The following ANKS1B variants were observed in gnomAD, a reference collection of about 807,000 sequenced individuals.
ANKS1B encodes the protein ankyrin repeat and sterile alpha motif domain-containing protein 1B.
In ANKS1B, 36 loss-of-function variants were observed where a neutral mutation model predicts 148.3. The ratio of observed to expected loss-of-function variants is 0.24; its 90% CI spans 0.19 to 0.32. ANKS1B has a LOEUF of 0.32. Ranked by LOEUF, ANKS1B falls within the 10% of genes least tolerant of loss-of-function variation. The pLI, the probability that ANKS1B is intolerant of heterozygous loss-of-function variation, is 1.00. For missense variants in ANKS1B, 1,157 were observed against 1,542.6 expected, an observed-to-expected ratio of 0.75 and a Z score of 4.19; for synonymous variants, 542 against 560.8, an observed-to-expected ratio of 0.97 and a Z score of 0.47.
intron 1 of ANKS1B, among the ~76,000 whole-genome samples, chr12:99,881,003 T>G (rs371348950): frequency 1.1e-4 from 17 of 152,338 alleles, no homozygotes; most frequent in South Asian, 8.3e-4. Flanking sequence ...ACTGAACAGC[T>G]ATTTGAGGGC....
intron 8 of ANKS1B, among the ~76,000 whole-genome samples, chr12:99,731,192 C>T (rs775622470): frequency 7.9e-5 from 12 of 152,176 alleles, no homozygotes; most frequent in Non-Finnish European, 1.6e-4. Flanking sequence ...GATCTCGGCT[C>T]ACCGCAACCT....
intron 15 of ANKS1B, among the ~76,000 whole-genome samples, chr12:99,118,882 T>C (rs1451468250): frequency 2.0e-5 from 3 of 152,188 alleles, no homozygotes; most frequent in East Asian, 1.9e-4. Context: ...GCTTCTCTTA[T>C]GTATGTTCAG....
intron 9 of ANKS1B, among the ~76,000 whole-genome samples, chr12:99,602,601 T>A (rs2097812117): frequency 6.6e-6 from 1 of 152,060 alleles, no homozygotes; most frequent in Non-Finnish European, 1.5e-5. Flanking sequence ...AAGTGAGCTT[T>A]CTGAGTAATC....
chr12:99,744,606 C>A (rs1045257660), intron 8 of ANKS1B, among the ~76,000 whole-genome samples: 24 of 152,154 alleles, frequency 1.6e-4, no homozygotes, highest in African/African-American at 5.6e-4. Flanking sequence ...TAAAGCTATA[C>A]AACTGCCTTA....
chr12:99,546,421 T>C (rs1004887999), intron 9 of ANKS1B, among the ~76,000 whole-genome samples: 4 of 152,174 alleles, frequency 2.6e-5, no homozygotes, highest in African/African-American at 9.6e-5. Context: ...AATCTTAACC[T>C]ACTTGTACTC....
At chr12:99,324,221 G>A (rs1270759571) in intron 12 of ANKS1B, among the ~76,000 whole-genome samples, 1 of 151,870 alleles carries the variant, frequency 6.6e-6, no homozygotes, top group African/African-American at 2.4e-5. Context: ...AATTTTGCTG[G>A]GTGCCATGTG....
chr12:98,832,327 T>C (rs773627073), intron 17 of ANKS1B, among the ~76,000 whole-genome samples, 191 bp from the exon 18 acceptor site: 8 of 152,118 alleles, frequency 5.3e-5, no homozygotes, highest in Non-Finnish European at 7.4e-5. Flanking sequence ...AGTGGCTAAG[T>C]ATCAGGGGCA....
intron 16 of ANKS1B, among the ~76,000 whole-genome samples, chr12:99,080,549 G>T (rs1466605000): frequency 6.6e-6 from 1 of 152,228 alleles, no homozygotes; most frequent in Non-Finnish European, 1.5e-5. Flanking sequence ...TGTCAACTCA[G>T]GTTGAGGGAT....
chr12:98,773,752 G>A (rs775513056), intron 24 of ANKS1B, among the ~76,000 whole-genome samples: 18 of 152,248 alleles, frequency 1.2e-4, no homozygotes, highest in South Asian at 8.3e-4. Flanking sequence ...CACCGCGTCC[G>A]GCCTCCACTT....
At chr12:98,899,606 GT>G (rs2099769385) in intron 17 of ANKS1B, among the ~76,000 whole-genome samples, 1 of 152,176 alleles carries the variant, frequency 6.6e-6, no homozygotes, top group Non-Finnish European at 1.5e-5. Context: ...ATCCACAAGA[GT>G]TTTCACCTGC....
At chr12:99,369,747 A>AAGAAAGATAGATAGATAGAT (rs1555404895) in intron 12 of ANKS1B, among the ~76,000 whole-genome samples, 13 of 143,294 alleles carry the variant, frequency 9.1e-5, no homozygotes, top group Non-Finnish European at 2.0e-4. Flanking sequence ...AATGGATAGA[A>AAGAAAGATAGATAGATAGAT]AGATAGATAG....
intron 9 of ANKS1B, among the ~76,000 whole-genome samples, chr12:99,606,312 G>A (rs1488146448): frequency 6.6e-6 from 1 of 151,858 alleles, no homozygotes; most frequent in Non-Finnish European, 1.5e-5. Context: ...TAACAAAAAT[G>A]TGTTCTTTAT....
At chr12:98,888,013 A>G (rs2099744022) in intron 17 of ANKS1B, among the ~76,000 whole-genome samples, 1 of 152,222 alleles carries the variant, frequency 6.6e-6, no homozygotes, top group Admixed American at 6.5e-5. Context: ...CCCTTTGCAC[A>G]TATTTATAGA....
At chr12:98,822,005 C>T (rs146473253) in intron 19 of ANKS1B, among the ~76,000 whole-genome samples, 30 of 151,004 alleles carry the variant, frequency 2.0e-4, no homozygotes, top group Middle Eastern at 6.8e-3. Flanking sequence ...TCTCTCCACA[C>T]GGAGAGGGAG....
chr12:99,178,607 G>A (rs2638571), intron 14 of ANKS1B, among the ~76,000 whole-genome samples: 129,072 of 152,228 alleles, frequency 0.85, 55,301 homozygotes, highest in East Asian at 1. Context: ...TAACAATGCA[G>A]GGAATGTTTC....
At chr12:99,487,891 T>C (rs1166790212) in intron 10 of ANKS1B, among the ~76,000 whole-genome samples, 3 of 152,158 alleles carry the variant, frequency 2.0e-5, no homozygotes, top group Non-Finnish European at 4.4e-5. Flanking sequence ...TCTTCATTTG[T>C]CAATATTCTG....
In ANKS1B at chr12:99,404,503, A is replaced by T. The variant is rs1041929575; in HGVS notation, c.1576-4692T>A. On this transcript the variant is annotated intron_variant, in intron 11 of 26. Coordinates refer to ENST00000683438, the MANE Select transcript of ANKS1B (RefSeq NM_001352186.2). Reference sequence around the variant, plus strand: ...TCTGGAGCTGAAAAATGCAACTGGTATACTGAAGAATGCATTAGAATCTGT... The same window carrying T: ...TCTGGAGCTGAAAAATGCAACTGGTTTACTGAAGAATGCATTAGAATCTGT... 2.1e-4 allele frequency among the ~76,000 whole-genome samples: 30 copies of T among 145,848 alleles called. 4 individuals carry two copies. The highest frequency in any genetic ancestry group is 7.3e-4 in the African/African-American group (28 of 38,432).
At chr12:98,764,957 G>T (rs901742628) in intron 25 of ANKS1B, among the ~76,000 whole-genome samples, 7 of 152,216 alleles carry the variant, frequency 4.6e-5, no homozygotes, top group Non-Finnish European at 1.5e-5. Flanking sequence ...TGCATGGCAG[G>T]CACTCTATCA....
intron 1 of ANKS1B, among the ~76,000 whole-genome samples, chr12:99,863,577 T>C (rs966299824): frequency 2.6e-5 from 4 of 151,876 alleles, no homozygotes; most frequent in African/African-American, 9.7e-5. Context: ...TAGCCGGGCG[T>C]GGTGGCACAC....
Sources: allele counts gnomAD v4.1 joint callset (sites outside exome capture counted in the v4.1 genomes callset), GRCh38; gene constraint gnomAD v4.1.1; transcripts MANE v1.5; gene names NCBI Gene and HGNC (gene_info 2026-07-23, HGNC 2026-07-21).